Variants in LIN7A observed in about 807,000 individuals in gnomAD.
LIN7A encodes protein lin-7 homolog A.
Under a neutral mutation model 29.8 loss-of-function variants are expected in LIN7A, and 25 were observed. The ratio of observed to expected loss-of-function variants is 0.84; its 90% CI spans 0.61 to 1.17. The LOEUF is 1.17. LIN7A is among the 50% of genes most tolerant of loss of function. The probability of loss-of-function intolerance (pLI) is 0.00; values close to 1 mark genes in which losing one functional copy is unlikely to be tolerated. For synonymous variants in LIN7A, 118 were observed against 107.5 expected (o/e 1.10, Z -0.60); for missense variants, 239 against 287.0 (o/e 0.83, Z 1.21).
chr12:80,846,699 A>G (rs372236655), intron 3 of LIN7A, among the ~76,000 whole-genome samples: 16 of 152,210 alleles, frequency 1.1e-4, no homozygotes, highest in Non-Finnish European at 2.2e-4. Context: ...CAATGATTTT[A>G]TACCTAGATA....
intron 1 of LIN7A, among the ~76,000 whole-genome samples, chr12:80,921,105 G>A (rs1157682141): frequency 3.3e-5 from 5 of 152,114 alleles, no homozygotes; most frequent in Non-Finnish European, 7.4e-5. Context: ...TTTGAGATAT[G>A]ATTAAGTCAA....
At chr12:80,895,877 A>G (rs987738061) in intron 1 of LIN7A, among the ~76,000 whole-genome samples, 2 of 152,226 alleles carry the variant, frequency 1.3e-5, no homozygotes, top group African/African-American at 2.4e-5. Context: ...ACACAGGCCT[A>G]ATGTCCTCAC....
intron 1 of LIN7A, chr12:80,937,399 C>A (rs1030840977): frequency 7.8e-6 from 3 of 384,250 alleles, no homozygotes; most frequent in Non-Finnish European, 1.4e-5. Context: ...GCGGGGACCC[C>A]AGAGCCAGAA....
intron 1 of LIN7A, among the ~76,000 whole-genome samples, chr12:80,912,161 C>A (rs1876781648): frequency 6.6e-6 from 1 of 152,096 alleles, no homozygotes. Context: ...TTCAGGGCAG[C>A]CTTACTATCT....
chr12:80,816,410 C>CA lies in LIN7A; in HGVS notation c.484-4728dup, dbSNP rs145507202. ...TAGGCAACAGAGCAAGACTCTGTCTCAAAAAAAAAAAGTGTATATATACAC... is the reference window on the plus strand; with the variant it reads ...TAGGCAACAGAGCAAGACTCTGTCTCAAAAAAAAAAAAGTGTATATATACAC... On this transcript the variant is annotated intron_variant, in intron 4 of 5. Transcript: ENST00000552864. Among the ~76,000 whole-genome samples the CA allele has an allele frequency of 1.0e-3, 139 of 138,832 alleles. 1 individual carries two copies. The highest frequency in any genetic ancestry group is 3.9e-3 in the Middle Eastern group (1 of 258). 91.1% of individuals were successfully genotyped at this position (138,832 alleles called of 152,430 possible).
At chr12:80,866,017 A>G (rs1286311103) in intron 2 of LIN7A, among the ~76,000 whole-genome samples, 1 of 152,158 alleles carries the variant, frequency 6.6e-6, no homozygotes, top group Non-Finnish European at 1.5e-5. Context: ...GTGGTGTTTT[A>G]AAAAGGGTGT....
At chr12:80,823,076 G>C (rs1225399035) in intron 4 of LIN7A, among the ~76,000 whole-genome samples, 1 of 152,158 alleles carries the variant, frequency 6.6e-6, no homozygotes. Flanking sequence ...TACCCACTGT[G>C]GGTCTCTTCT....
intron 4 of LIN7A, chr12:80,842,136 G>A: frequency 7.8e-7 from 1 of 1,282,586 alleles, no homozygotes; most frequent in South Asian, 1.3e-5. Flanking sequence ...AAGCTAGGAG[G>A]AAAAAATCAA....
At chr12:80,844,255 T>C (rs1872956626) in intron 4 of LIN7A, among the ~76,000 whole-genome samples, 1 of 152,124 alleles carries the variant, frequency 6.6e-6, no homozygotes, top group Admixed American at 6.5e-5. Flanking sequence ...AAAAAGCTTA[T>C]CTCAAAACAT....
At chr12:80,886,415 A>G (rs1592925057) in intron 2 of LIN7A, among the ~76,000 whole-genome samples, 1 of 152,102 alleles carries the variant, frequency 6.6e-6, no homozygotes, top group Non-Finnish European at 1.5e-5. Context: ...TCATAATATT[A>G]TTCAGAATTG....
intron 2 of LIN7A, among the ~76,000 whole-genome samples, chr12:80,870,291 T>C (rs551458495): frequency 6.6e-6 from 1 of 152,324 alleles, no homozygotes; most frequent in Admixed American, 6.5e-5. Flanking sequence ...TATTTAAATC[T>C]TGGATGAATA....
At chr12:80,918,884 AC>A (rs1221945239) in intron 1 of LIN7A, among the ~76,000 whole-genome samples, 1 of 152,240 alleles carries the variant, frequency 6.6e-6, no homozygotes, top group Non-Finnish European at 1.5e-5. Flanking sequence ...AGATTATGAT[AC>A]TGTATTTGCA....
chr12:80,886,532 A>G (rs1383778071), intron 2 of LIN7A, among the ~76,000 whole-genome samples: 1 of 152,130 alleles, frequency 6.6e-6, no homozygotes, highest in African/African-American at 2.4e-5. Context: ...ATAACATATG[A>G]ATGGCATAAA....
chr12:80,872,621 T>G (rs977580106), intron 2 of LIN7A, among the ~76,000 whole-genome samples: 8 of 152,358 alleles, frequency 5.3e-5, no homozygotes, highest in Non-Finnish European at 8.8e-5. Flanking sequence ...ATTTTAATTT[T>G]TAGTTTTCAT....
intron 5 of LIN7A, among the ~76,000 whole-genome samples, chr12:80,806,036 C>G (rs1334737166): frequency 1.4e-5 from 2 of 143,002 alleles, no homozygotes; most frequent in African/African-American, 5.1e-5. Flanking sequence ...TGAGATCGCA[C>G]CACGGCACTG....
intron 2 of LIN7A, among the ~76,000 whole-genome samples, chr12:80,859,761 A>C (rs1215301922): frequency 6.6e-6 from 1 of 152,188 alleles, no homozygotes; most frequent in Non-Finnish European, 1.5e-5. Flanking sequence ...ACTATAGAAA[A>C]TATGTACAAT....
intron 2 of LIN7A, among the ~76,000 whole-genome samples, chr12:80,882,728 A>C (rs1483675961): frequency 6.6e-6 from 1 of 152,140 alleles, no homozygotes; most frequent in African/African-American, 2.4e-5. Context: ...AATCCATCAA[A>C]ATTTTTACAA....
At chr12:80,843,309 A>G (rs1281952156) in intron 4 of LIN7A, among the ~76,000 whole-genome samples, 2 of 152,164 alleles carry the variant, frequency 1.3e-5, no homozygotes, top group Non-Finnish European at 2.9e-5. Flanking sequence ...TCAACTGTCA[A>G]TCTAATAGGA....
chr12:80,927,052 T>A (rs1173528571), intron 1 of LIN7A, among the ~76,000 whole-genome samples: 10 of 151,648 alleles, frequency 6.6e-5, no homozygotes, highest in African/African-American at 2.4e-4. Context: ...ATTAATGTTA[T>A]CTTTCATCAC....
Sources: gnomAD v4.1 joint callset for allele counts (sites outside exome capture counted in the v4.1 genomes callset) on GRCh38, gnomAD v4.1.1 for gene constraint, MANE v1.5 for transcripts, NCBI Gene and HGNC (gene_info 2026-07-23, HGNC 2026-07-21) for gene names.